ADAM29: variants seen among roughly 807,000 people sequenced by gnomAD.
ADAM29 encodes the protein disintegrin and metalloproteinase domain-containing protein 29.
For missense variants in ADAM29, 969 were observed against 1,001.8 expected, an observed-to-expected ratio of 0.97 and a Z score of 0.44; for synonymous variants, 367 against 342.3, an observed-to-expected ratio of 1.07 and a Z score of -0.80.
At chr4:174,932,637 C>T (rs1743964555) in intron 3 of ADAM29, among the ~76,000 whole-genome samples, 1 of 152,110 alleles carries the variant, frequency 6.6e-6, no homozygotes, top group Admixed American at 6.5e-5. Flanking sequence ...TACATTCAGA[C>T]CATAGCATAA....
chr4:174,971,282 C>T (rs960547468), intron 4 of ADAM29, among the ~76,000 whole-genome samples: 1 of 152,134 alleles, frequency 6.6e-6, no homozygotes, highest in Admixed American at 6.6e-5. Context: ...GTATCTGTCC[C>T]TATACTTACC....
At chr4:174,975,323 G>T in intron 4 of ADAM29, 23 bp from the exon 5 acceptor site, 1 of 410,988 alleles carries the variant, frequency 2.4e-6, no homozygotes, top group Non-Finnish European at 4.2e-6. Context: ...TCATCCACAT[G>T]CTGCTTTTTG....
intron 4 of ADAM29, among the ~76,000 whole-genome samples, chr4:174,949,380 G>A (rs992279414): frequency 2.6e-5 from 4 of 152,172 alleles, no homozygotes; most frequent in Non-Finnish European, 4.4e-5. Context: ...GAGCCCTGCC[G>A]TGTCATTTCT....
At chr4:174,961,068 G>A (rs1298007290) in intron 4 of ADAM29, among the ~76,000 whole-genome samples, 1 of 152,094 alleles carries the variant, frequency 6.6e-6, no homozygotes, top group African/African-American at 2.4e-5. Flanking sequence ...GGCATGGCCT[G>A]TGGAATATTC....
At chr4:174,972,330 C>T (rs1283073280) in intron 4 of ADAM29, among the ~76,000 whole-genome samples, 1 of 152,272 alleles carries the variant, frequency 6.6e-6, no homozygotes, top group East Asian at 1.9e-4. Context: ...AGGAGGAAAC[C>T]TCCACCAACC....
At chr4:174,973,343 G>A (rs1560893177) in intron 4 of ADAM29, among the ~76,000 whole-genome samples, 1 of 152,162 alleles carries the variant, frequency 6.6e-6, no homozygotes, top group African/African-American at 2.4e-5. Flanking sequence ...TTGTATGGCA[G>A]TACACTGGGG....
rs116462042 is a variant in ADAM29, at chr4:174,952,587, C to T, written c.-181+15574C>T. 3.9e-3 allele frequency among the ~76,000 whole-genome samples: 590 copies of T among 151,894 alleles called. 1 individual carries two copies. Among genetic ancestry groups the T allele is most frequent in the Non-Finnish European group, 5.1e-3 (349 of 67,990 alleles). On this transcript the variant is annotated intron_variant, in intron 4 of 4. Transcript: ENST00000359240. ...CTTCCACAGGAATAGTCTAAATGGG[C>T]GATGGAAACTAACTTCACTCAGAGA...
intron 2 of ADAM29, among the ~76,000 whole-genome samples, chr4:174,925,070 A>G (rs1743423398): frequency 6.6e-6 from 1 of 152,172 alleles, no homozygotes; most frequent in South Asian, 2.1e-4. Flanking sequence ...TCAACAAAAT[A>G]CCTTCCCAGT....
chr4:174,974,871 A>G (rs933005874), intron 4 of ADAM29, among the ~76,000 whole-genome samples: 31 of 152,204 alleles, frequency 2.0e-4, no homozygotes, highest in Non-Finnish European at 3.2e-4. Context: ...TTAAAATAAC[A>G]TAAGAATGGT....
chr4:174,973,899 A>G (rs2111109431), intron 4 of ADAM29, among the ~76,000 whole-genome samples: 1 of 152,296 alleles, frequency 6.6e-6, no homozygotes, highest in South Asian at 2.1e-4. Flanking sequence ...GATGGATAAT[A>G]CTTCTGTGGC....
At chr4:174,926,273 T>C (rs1478188726) in intron 2 of ADAM29, among the ~76,000 whole-genome samples, 1 of 152,098 alleles carries the variant, frequency 6.6e-6, no homozygotes, top group African/African-American at 2.4e-5. Flanking sequence ...CGCTTCAAAT[T>C]GATGCTCAGA....
At position 174,977,065 on chromosome 4, in the gene ADAM29, A is replaced by G. The variant is rs199762477; in HGVS notation, c.1540A>G (p.Asn514Asp). ...QCRRIFGAGA[N>D]TASETCYKEL... is the part of the protein sequence containing the mutation. ...TAGGAGGATTTTTGGTGCAGGCGCA[A>G]ATACTGCAAGTGAGACTTGCTACAA... The change falls in exon 5 of 5, where the codon AAT (asparagine) becomes GAT (aspartate). Residue 514 changes from asparagine (N) to aspartate (D), a missense_variant. Transcript: ENST00000359240. 1.4e-4 allele frequency: 232 copies of G among 1,614,036 alleles called. No individual in the cohort carries two copies. Among genetic ancestry groups the G allele is most frequent in the Non-Finnish European group, 1.9e-4 (223 of 1,180,024 alleles).
intron 4 of ADAM29, among the ~76,000 whole-genome samples, chr4:174,957,194 C>T (rs763994558): frequency 7.9e-5 from 12 of 151,872 alleles, no homozygotes; most frequent in Non-Finnish European, 1.2e-4. Flanking sequence ...AAGAACTTTC[C>T]TCAGTTCAGT....
chr4:174,963,143 GA>G (rs989920333), intron 4 of ADAM29, among the ~76,000 whole-genome samples: 103 of 151,572 alleles, frequency 6.8e-4, no homozygotes, highest in African/African-American at 1.9e-3. Context: ...ACATAATAAG[GA>G]AAAAAAATAT....
At chr4:174,959,121 C>T (rs570090061) in intron 4 of ADAM29, among the ~76,000 whole-genome samples, 2 of 151,638 alleles carry the variant, frequency 1.3e-5, no homozygotes, top group African/African-American at 4.8e-5. Context: ...TTTCTTCTTC[C>T]GGAAAAACTT....
intron 4 of ADAM29, among the ~76,000 whole-genome samples, chr4:174,947,932 G>T (rs556674153): frequency 1.8e-4 from 27 of 152,252 alleles, no homozygotes; most frequent in Non-Finnish European, 3.2e-4. Flanking sequence ...TTTGAACTCT[G>T]GGATTCTTTC....
chr4:174,943,734 T>C (rs1252645840), intron 4 of ADAM29, among the ~76,000 whole-genome samples: 3 of 152,076 alleles, frequency 2.0e-5, no homozygotes, highest in African/African-American at 4.8e-5. Flanking sequence ...CTGAATTGGT[T>C]TGTTATTCTT....
At chr4:174,933,667 C>A (rs2110942009) in intron 3 of ADAM29, among the ~76,000 whole-genome samples, 1 of 152,210 alleles carries the variant, frequency 6.6e-6, no homozygotes, top group African/African-American at 2.4e-5. Flanking sequence ...TCTATTGTTC[C>A]CTCTTTGTGT....
At chr4:174,973,199 G>A (rs1746567725) in intron 4 of ADAM29, among the ~76,000 whole-genome samples, 1 of 152,170 alleles carries the variant, frequency 6.6e-6, no homozygotes, top group Non-Finnish European at 1.5e-5. Context: ...GCTAGATTGT[G>A]GTAGACCAGT....
Sources: gnomAD v4.1 joint callset for allele counts (sites outside exome capture counted in the v4.1 genomes callset) on GRCh38, gnomAD v4.1.1 for gene constraint, MANE v1.5 for transcripts, NCBI Gene and HGNC (gene_info 2026-07-23, HGNC 2026-07-21) for gene names.